FHIT: variants seen among roughly 807,000 people sequenced by gnomAD.
FHIT encodes the protein bis(5'-adenosyl)-triphosphatase.
Under a neutral mutation model 17.9 loss-of-function variants are expected in FHIT, and 19 were observed. That is an observed-to-expected ratio of 1.06 (90% CI 0.74 to 1.56). The LOEUF (loss-of-function observed/expected upper bound fraction) is 1.56. Among genes scored for constraint, FHIT ranks in the 40% most tolerant of loss-of-function variants. The pLI is 0.00. For missense variants in FHIT, 248 were observed against 189.2 expected (o/e 1.31, Z -1.82); for synonymous variants, 81 against 69.7 (o/e 1.16, Z -0.81).
chr3:60,025,789 G>A (rs1259031876), intron 5 of FHIT, among the ~76,000 whole-genome samples: 1 of 148,810 alleles, frequency 6.7e-6, no homozygotes, highest in Non-Finnish European at 1.5e-5. Flanking sequence ...ATTTCCAAAT[G>A]TTTCCAAAAC....
chr3:60,189,717 C>G (rs145284643), intron 5 of FHIT, among the ~76,000 whole-genome samples: 4 of 152,264 alleles, frequency 2.6e-5, no homozygotes, highest in Admixed American at 6.5e-5. Flanking sequence ...TGACATGAAT[C>G]GTTTTTCAGC....
At chr3:61,193,123 G>C (rs1004508876) in intron 2 of FHIT, among the ~76,000 whole-genome samples, 1 of 152,206 alleles carries the variant, frequency 6.6e-6, no homozygotes, top group South Asian at 2.1e-4. Flanking sequence ...TGAAGGGAAT[G>C]TGTTACATCC....
intron 4 of FHIT, among the ~76,000 whole-genome samples, chr3:60,755,635 A>G (rs1553718076): frequency 6.6e-6 from 1 of 152,258 alleles, no homozygotes; most frequent in African/African-American, 2.4e-5. Flanking sequence ...AAATAAATGT[A>G]TAAGTTATAG....
chr3:60,915,667 C>G (rs1454339696), intron 3 of FHIT, among the ~76,000 whole-genome samples: 8 of 152,062 alleles, frequency 5.3e-5, no homozygotes, highest in Non-Finnish European at 1.0e-4. Flanking sequence ...AGTGTCAGCA[C>G]AATGATATCC....
At chr3:60,694,808 G>A (rs1486266360) in intron 4 of FHIT, among the ~76,000 whole-genome samples, 2 of 151,922 alleles carry the variant, frequency 1.3e-5, no homozygotes, top group Non-Finnish European at 2.9e-5. Flanking sequence ...GCAAACTATG[G>A]CAAGGACAAA....
intron 5 of FHIT, among the ~76,000 whole-genome samples, chr3:60,098,288 C>CACACCG (rs1286052384): frequency 7.0e-6 from 1 of 143,494 alleles, no homozygotes; most frequent in Non-Finnish European, 1.5e-5. Flanking sequence ...GAGGAATCGC[C>CACACCG]ACACTGACTT....
At chr3:60,463,612 G>A (rs148868297) in intron 5 of FHIT, among the ~76,000 whole-genome samples, 4 of 152,158 alleles carry the variant, frequency 2.6e-5, no homozygotes, top group Non-Finnish European at 4.4e-5. Flanking sequence ...GGAAGGGGAC[G>A]TGTAACATTT....
intron 4 of FHIT, among the ~76,000 whole-genome samples, chr3:60,549,500 G>A (rs1336467009): frequency 2.6e-5 from 4 of 152,100 alleles, no homozygotes; most frequent in African/African-American, 9.7e-5. Flanking sequence ...TGTGTTCAAA[G>A]TATATTGAAC....
intron 8 of FHIT, among the ~76,000 whole-genome samples, chr3:59,836,097 C>T (rs977224161): frequency 1.3e-5 from 2 of 152,062 alleles, no homozygotes; most frequent in Non-Finnish European, 2.9e-5. Context: ...ATGGAGTCCT[C>T]CCCATGAGTT....
At chr3:60,024,893 G>A (rs745817789) in intron 5 of FHIT, among the ~76,000 whole-genome samples, 26 of 152,178 alleles carry the variant, frequency 1.7e-4, no homozygotes, top group South Asian at 8.3e-4. Flanking sequence ...CAGATTCTGG[G>A]TTCTCTTTGC....
At chr3:60,189,916 T>C (rs1409382763) in intron 5 of FHIT, among the ~76,000 whole-genome samples, 1 of 152,180 alleles carries the variant, frequency 6.6e-6, no homozygotes, top group Non-Finnish European at 1.5e-5. Context: ...CATGTATGCA[T>C]TGAACAGTTA....
At chr3:59,908,613 C>T (rs1480011533) in intron 8 of FHIT, among the ~76,000 whole-genome samples, 1 of 151,884 alleles carries the variant, frequency 6.6e-6, no homozygotes, top group African/African-American at 2.4e-5. Flanking sequence ...GAAACAACAG[C>T]CAAGGACAAC....
At chr3:60,950,046 C>T (rs73100075) in intron 3 of FHIT, among the ~76,000 whole-genome samples, 7,213 of 152,194 alleles carry the variant, frequency 0.047, 217 homozygotes, top group South Asian at 0.068. Context: ...TGCTTAGTGA[C>T]GTTGTAGTTG....
intron 8 of FHIT, among the ~76,000 whole-genome samples, chr3:59,839,708 C>G (rs1426994005): frequency 1.3e-5 from 2 of 152,148 alleles, no homozygotes; most frequent in Non-Finnish European, 2.9e-5. Context: ...TTATCTCTCT[C>G]TACCAAACAC....
At chr3:60,223,148 C>T (rs1329042569) in intron 5 of FHIT, among the ~76,000 whole-genome samples, 1 of 152,174 alleles carries the variant, frequency 6.6e-6, no homozygotes, top group Admixed American at 6.5e-5. Context: ...AGAGGCTCCC[C>T]TCAGGCAGAA....
At chr3:61,212,589 T>A (rs546640856) in intron 1 of FHIT, among the ~76,000 whole-genome samples, 83 of 152,246 alleles carry the variant, frequency 5.5e-4, no homozygotes, top group African/African-American at 1.9e-3. Context: ...CAGGATATTA[T>A]CCAGGAGAAC....
chr3:61,047,600 A>G (rs952208364), intron 2 of FHIT, among the ~76,000 whole-genome samples: 2 of 152,198 alleles, frequency 1.3e-5, no homozygotes, highest in African/African-American at 2.4e-5. Flanking sequence ...CAAGCTACCA[A>G]TGACTTTCTT....
intron 4 of FHIT, among the ~76,000 whole-genome samples, chr3:60,819,854 A>G (rs1553738758): frequency 6.6e-6 from 1 of 152,232 alleles, no homozygotes; most frequent in Non-Finnish European, 1.5e-5. Context: ...CATCAGGCAC[A>G]TACTCTTTAC....
chr3:60,137,156 T>C (rs1381196690), intron 5 of FHIT, among the ~76,000 whole-genome samples: 1 of 152,098 alleles, frequency 6.6e-6, no homozygotes, highest in African/African-American at 2.4e-5. Context: ...ACTAAGAAAA[T>C]ACTGAAGCAG....
Sources: gnomAD v4.1 joint callset for allele counts (sites outside exome capture counted in the v4.1 genomes callset) on GRCh38, gnomAD v4.1.1 for gene constraint, MANE v1.5 for transcripts, NCBI Gene and HGNC (gene_info 2026-07-23, HGNC 2026-07-21) for gene names.